Variants in ACSF2 observed in about 807,000 individuals in gnomAD.
ACSF2 encodes the protein medium-chain acyl-CoA ligase ACSF2, mitochondrial.
A neutral mutation model predicts 79.3 loss-of-function variants in ACSF2; 52 were observed. The ratio of observed to expected loss-of-function variants is 0.66; its 90% CI spans 0.53 to 0.83. The LOEUF (loss-of-function observed/expected upper bound fraction) is 0.83, where lower values mean the gene tolerates loss of function less well. ACSF2 is among the 40% of genes least tolerant of loss of function. ACSF2 has a pLI of 0.00. For missense variants in ACSF2, 661 were observed against 803.3 expected (o/e 0.82, Z 2.14); for synonymous variants, 283 against 312.6 (o/e 0.91, Z 1.00).
intron 1 of ACSF2, among the ~76,000 whole-genome samples, chr17:50,459,093 G>T (rs140737242): frequency 6.6e-6 from 1 of 152,188 alleles, no homozygotes; most frequent in Non-Finnish European, 1.5e-5. Flanking sequence ...AATGCCTGTC[G>T]ACTACAGAGC....
chr17:50,452,295 GA>G (rs199669855), intron 1 of ACSF2, among the ~76,000 whole-genome samples: 6 of 150,256 alleles, frequency 4.0e-5, no homozygotes, highest in South Asian at 2.1e-4. Flanking sequence ...ATGTCGCATT[GA>G]AAAAAAAAAT....
chr17:50,460,348 G>C, intron 1 of ACSF2: 1 of 479,076 alleles, frequency 2.1e-6, no homozygotes, highest in South Asian at 1.6e-5. Flanking sequence ...TAGGGGTGAA[G>C]GCATGGTCCT....
intron 1 of ACSF2, among the ~76,000 whole-genome samples, chr17:50,439,007 A>G (rs1390025423): frequency 6.6e-6 from 1 of 152,092 alleles, no homozygotes; most frequent in African/African-American, 2.4e-5. Context: ...GAATCATGTT[A>G]TGTGAGTAAT....
chr17:50,433,956 C>A (rs1420913486), intron 1 of ACSF2, among the ~76,000 whole-genome samples: 3 of 151,862 alleles, frequency 2.0e-5, no homozygotes, highest in Non-Finnish European at 4.4e-5. Flanking sequence ...TTTTCTAAAC[C>A]CAAATTATCA....
intron 10 of ACSF2, chr17:50,468,192 A>T: frequency 6.2e-7 from 1 of 1,614,000 alleles, no homozygotes; most frequent in East Asian, 2.2e-5. Flanking sequence ...GGGTAGCTGG[A>T]CAGCTGGTTC....
At chr17:50,446,251 G>A (rs1159124258) in intron 1 of ACSF2, among the ~76,000 whole-genome samples, 1 of 151,906 alleles carries the variant, frequency 6.6e-6, no homozygotes, top group Non-Finnish European at 1.5e-5. Flanking sequence ...AGCCCTAGAA[G>A]GTTTTTTTTT....
rs1358170827 is a variant in ACSF2, at chr17:50,461,295, G to T, written c.378G>T (p.Arg126=). ...LLSIGLCKGD[R]LGMWGPNSYA... is the part of the protein sequence containing the mutation. ...GCATTGGCCTCTGCAAAGGTGACCG[G>T]CTGGGCATGTGGGGACCTAACTCCT... The change falls in exon 3 of 16, where the codon CGG becomes CGT. Residue 126 remains arginine (R), a synonymous_variant. Coordinates refer to ENST00000300441, the MANE Select transcript of ACSF2 (RefSeq NM_025149.6). The T allele has an allele frequency of 8.1e-6, 13 of 1,614,098 alleles. No homozygotes were observed. Among genetic ancestry groups the T allele is most frequent in the Non-Finnish European group, 9.3e-6 (11 of 1,180,038 alleles).
intron 1 of ACSF2, among the ~76,000 whole-genome samples, chr17:50,437,218 G>A (rs556955038): frequency 2.6e-5 from 4 of 152,316 alleles, no homozygotes; most frequent in South Asian, 2.1e-4. Flanking sequence ...CCTGCCTTTC[G>A]ACTGCCATGA....
chr17:50,462,486 A>G lies in ACSF2; in HGVS notation c.693A>G (p.Glu231=). ...TGCCGGGGACCCTGCTCCTGGATGA[A>G]GTGGTGGCGGCTGGCAGCACACGGC... ...APLPGTLLLD[E]VVAAGSTRQH... The change falls in exon 6 of 16, where the codon GAA becomes GAG. Residue 231 remains glutamate (E), a synonymous_variant. Transcript: ENST00000300441. 6.2e-7 allele frequency: 1 copy of G among 1,613,676 alleles called. No individual in the cohort carries two copies. Among genetic ancestry groups the G allele is most frequent in the Non-Finnish European group, 8.5e-7 (1 of 1,179,910 alleles).
At chr17:50,451,090 C>A (rs995022217) in intron 1 of ACSF2, among the ~76,000 whole-genome samples, 2 of 152,128 alleles carry the variant, frequency 1.3e-5, no homozygotes, top group African/African-American at 4.8e-5. Flanking sequence ...GTGTGCACCA[C>A]CATGCCCAGC....
At chr17:50,442,628 G>A (rs1486380269) in intron 1 of ACSF2, among the ~76,000 whole-genome samples, 1 of 151,916 alleles carries the variant, frequency 6.6e-6, no homozygotes, top group South Asian at 2.1e-4. Context: ...ACCACACCTG[G>A]CTAATTTTTA....
In ACSF2 at chr17:50,460,708, C is replaced by G; in HGVS notation, c.160C>G (p.Pro54Ala). 1 of 1,613,142 alleles carries G rather than the reference C, an allele frequency of 6.2e-7. No homozygotes were observed. Among genetic ancestry groups the G allele is most frequent in the Non-Finnish European group, 8.5e-7 (1 of 1,179,592 alleles). ...AGAGGTGGATCGCATGGTCTCCACG[C>G]CCATCGGAGGCCTCAGCTACGTTCA... Reference protein sequence around the residue: ...SREVDRMVSTPIGGLSYVQGC... With the variant: ...SREVDRMVSTAIGGLSYVQGC... The change falls in exon 2 of 16, where the codon CCC (proline) becomes GCC (alanine). Residue 54 changes from proline (P) to alanine (A), a missense_variant. By Grantham distance (27) the Pro-to-Ala change is conservative. Transcript: ENST00000300441.
intron 1 of ACSF2, among the ~76,000 whole-genome samples, chr17:50,434,540 G>A (rs1250391836): frequency 1.3e-5 from 2 of 151,920 alleles, no homozygotes; most frequent in African/African-American, 2.4e-5. Flanking sequence ...TACAAAATTA[G>A]CTGGGCATGG....
intron 1 of ACSF2, among the ~76,000 whole-genome samples, chr17:50,453,176 T>C (rs1048282287): frequency 5.3e-5 from 8 of 152,172 alleles, no homozygotes; most frequent in African/African-American, 1.9e-4. Flanking sequence ...ACCTGTGGAA[T>C]GGGAGTTCAT....
intron 1 of ACSF2, among the ~76,000 whole-genome samples, chr17:50,434,693 TA>T (rs1440265128): frequency 7.9e-5 from 12 of 151,168 alleles, no homozygotes; most frequent in Admixed American, 6.0e-4. Flanking sequence ...CTCAAAAAAA[TA>T]ATTTTTTTTT....
At chr17:50,467,952 G>A (rs1430291458) in intron 10 of ACSF2, 8 of 1,385,832 alleles carry the variant, frequency 5.8e-6, no homozygotes, top group Middle Eastern at 1.9e-4. Flanking sequence ...ACCTGGGGAC[G>A]GGGGATGGTG....
At chr17:50,454,251 A>G (rs1357878023) in intron 1 of ACSF2, among the ~76,000 whole-genome samples, 2 of 149,960 alleles carry the variant, frequency 1.3e-5, no homozygotes. Context: ...GGCTTGAGCA[A>G]TTCCCCTGCC....
chr17:50,456,598 G>A (rs1289980050), intron 1 of ACSF2, among the ~76,000 whole-genome samples: 2 of 152,098 alleles, frequency 1.3e-5, no homozygotes, highest in Admixed American at 6.6e-5. Context: ...CGGGCGTGGT[G>A]GCGCATGCCT....
intron 4 of ACSF2, 35 bp downstream of exon 4, chr17:50,461,721 G>A: frequency 6.2e-7 from 1 of 1,613,170 alleles, no homozygotes; most frequent in Admixed American, 1.7e-5. Flanking sequence ...GCCCGGCTGG[G>A]GCCTGGCACA....
Sources: gnomAD v4.1 joint callset for allele counts (sites outside exome capture counted in the v4.1 genomes callset) on GRCh38, gnomAD v4.1.1 for gene constraint, MANE v1.5 for transcripts, NCBI Gene and HGNC (gene_info 2026-07-23, HGNC 2026-07-21) for gene names.